KDM2A: variants seen among roughly 807,000 people sequenced by gnomAD.
KDM2A encodes lysine-specific demethylase 2A.
A neutral mutation model predicts 137.3 loss-of-function variants in KDM2A; 3 were observed. The ratio of observed to expected loss-of-function variants is 0.02; its 90% CI spans 0.01 to 0.06. The LOEUF (loss-of-function observed/expected upper bound fraction) is 0.06. Ranked by LOEUF, KDM2A falls within the 10% of genes least tolerant of loss-of-function variation. KDM2A has a pLI of 1.00. For synonymous variants in KDM2A, 512 were observed against 541.5 expected, an observed-to-expected ratio of 0.95 and a Z score of 0.76; for missense variants, 738 against 1,510.6, an observed-to-expected ratio of 0.49 and a Z score of 8.48.
chr11:67,225,664 G>A (rs73503907), intron 10 of KDM2A, among the ~76,000 whole-genome samples: 6,160 of 152,290 alleles, frequency 0.04, 179 homozygotes, highest in African/African-American at 0.085. Context: ...CAGCTACTCG[G>A]GAGGCTGAGG....
At chr11:67,215,648 A>G in intron 7 of KDM2A, 1 of 625,568 alleles carries the variant, frequency 1.6e-6, no homozygotes, top group Non-Finnish European at 2.8e-6. Flanking sequence ...AAAGGAAAAA[A>G]AACTTACATT....
chr11:67,152,033 C>T (rs564617427), intron 2 of KDM2A, among the ~76,000 whole-genome samples: 59 of 152,008 alleles, frequency 3.9e-4, no homozygotes, highest in Admixed American at 8.5e-4. Context: ...ATTAATTTCC[C>T]GCCGGGTGCA....
At chr11:67,170,077 G>T (rs1189816138) in intron 2 of KDM2A, among the ~76,000 whole-genome samples, 1 of 151,882 alleles carries the variant, frequency 6.6e-6, no homozygotes, top group African/African-American at 2.4e-5. Context: ...CTTTTTAGAG[G>T]TCTATAATAA....
At chr11:67,126,462 C>T (rs1484668768) in intron 2 of KDM2A, among the ~76,000 whole-genome samples, 1 of 151,712 alleles carries the variant, frequency 6.6e-6, no homozygotes, top group African/African-American at 2.4e-5. Context: ...GATCCCAGCA[C>T]TTTGGGAGGC....
intron 12 of KDM2A, chr11:67,240,019 C>G (rs1214764270): frequency 2.3e-6 from 3 of 1,295,126 alleles, no homozygotes; most frequent in African/African-American, 3.0e-5. Context: ...CGCTCACTCT[C>G]GCTCGGCTCC....
intron 2 of KDM2A, among the ~76,000 whole-genome samples, chr11:67,124,077 C>T (rs1590698863): frequency 6.6e-6 from 1 of 151,728 alleles, no homozygotes; most frequent in South Asian, 2.1e-4. Flanking sequence ...TATCAGGGCT[C>T]ACTGCAACCT....
At chr11:67,242,969 C>T (rs1590821651) in intron 12 of KDM2A, 40 bp from the exon 13 acceptor site, 1 of 1,544,952 alleles carries the variant, frequency 6.5e-7, no homozygotes, top group Non-Finnish European at 8.9e-7. Context: ...TCTTTGTTCA[C>T]CCTGCCCTGA....
chr11:67,163,171 C>T (rs1856670743), intron 2 of KDM2A, among the ~76,000 whole-genome samples: 2 of 152,318 alleles, frequency 1.3e-5, no homozygotes, highest in South Asian at 4.1e-4. Context: ...TAGCGCTACA[C>T]TTTCGTATTT....
intron 6 of KDM2A, among the ~76,000 whole-genome samples, chr11:67,209,786 C>T (rs1857922526): frequency 6.6e-6 from 1 of 152,178 alleles, no homozygotes; most frequent in South Asian, 2.1e-4. Flanking sequence ...ATTGGCCACA[C>T]ACGTTGGCTC....
intron 12 of KDM2A, among the ~76,000 whole-genome samples, chr11:67,242,622 A>G (rs80153645): frequency 6.6e-6 from 1 of 152,272 alleles, no homozygotes; most frequent in South Asian, 2.1e-4. Flanking sequence ...TACACAAGTA[A>G]GGGATTGGGA....
chr11:67,225,050 A>G (rs1257984065), intron 10 of KDM2A, among the ~76,000 whole-genome samples: 1 of 150,346 alleles, frequency 6.7e-6, no homozygotes, highest in African/African-American at 2.5e-5. Context: ...CTGGTCTCGA[A>G]CTCTTGACCT....
intron 2 of KDM2A, chr11:67,143,066 G>A (rs1019861968): frequency 7.0e-6 from 1 of 143,290 alleles, no homozygotes; most frequent in African/African-American, 2.7e-5. Context: ...TTGTCGCACA[G>A]GCTGGAGTGC....
intron 16 of KDM2A, among the ~76,000 whole-genome samples, chr11:67,249,564 T>C (rs1859344653): frequency 6.6e-6 from 1 of 152,126 alleles, no homozygotes; most frequent in Non-Finnish European, 1.5e-5. Flanking sequence ...AGTTGGGGGC[T>C]CTTGTGGGAT....
intron 2 of KDM2A, among the ~76,000 whole-genome samples, chr11:67,157,911 G>C (rs1229145792): frequency 6.6e-6 from 1 of 152,102 alleles, no homozygotes; most frequent in Admixed American, 6.6e-5. Context: ...GCAACATAGT[G>C]AGACCCCATC....
chr11:67,226,865 A>G (rs2136417652), intron 10 of KDM2A, among the ~76,000 whole-genome samples: 1 of 152,248 alleles, frequency 6.6e-6, no homozygotes, highest in Admixed American at 6.5e-5. Flanking sequence ...GGTGGCATAC[A>G]CTTGTAATCT....
At chr11:67,227,958 T>G (rs1000850287) in intron 10 of KDM2A, 79 bp from the exon 11 acceptor site, 5 of 1,438,270 alleles carry the variant, frequency 3.5e-6, no homozygotes, top group Non-Finnish European at 4.8e-6. Flanking sequence ...TTTCCTGGGT[T>G]AATGATTACA....
chr11:67,245,152 A>AT lies in KDM2A; in HGVS notation c.1564-37_1564-36insT, dbSNP rs1310402519. 6.2e-7 allele frequency: 1 copy of AT among 1,604,166 alleles called. No individual in the cohort carries two copies. The highest frequency in any genetic ancestry group is 8.5e-7 in the Non-Finnish European group (1 of 1,174,682). On this transcript the variant is annotated intron_variant, in intron 13 of 20. Coordinates refer to ENST00000529006, the MANE Select transcript of KDM2A (RefSeq NM_012308.3). This position sits in a 1 kb window ranked among gnomAD's most constrained non-coding sequence, Gnocchi z 4.1. ...TTCTACCCTATCCAGTCTTAAAGCA[A>AT]CCTGATATATTTGACCTCACTGCTT...
intron 5 of KDM2A, among the ~76,000 whole-genome samples, chr11:67,193,041 G>A (rs1329533729): frequency 6.6e-6 from 1 of 152,094 alleles, no homozygotes; most frequent in African/African-American, 2.4e-5. Context: ...TCAGTCTGGA[G>A]TGCAGTGCCG....
At chr11:67,138,958 T>G (rs1590713733) in intron 2 of KDM2A, among the ~76,000 whole-genome samples, 1 of 152,228 alleles carries the variant, frequency 6.6e-6, no homozygotes, top group African/African-American at 2.4e-5. Flanking sequence ...AAAGTTATTT[T>G]AAAATCGTTT....
Sources: gnomAD v4.1 joint callset for allele counts (sites outside exome capture counted in the v4.1 genomes callset) on GRCh38, gnomAD v4.1.1 for gene constraint, Gnocchi (gnomAD v3.1) non-coding constraint, MANE v1.5 for transcripts, NCBI Gene and HGNC (gene_info 2026-07-23, HGNC 2026-07-21) for gene names.